CCDC7: variants seen among roughly 807,000 people sequenced by gnomAD.
The protein encoded by CCDC7 is coiled-coil domain-containing protein 7.
CCDC7 carries 183 observed loss-of-function variants against 196.9 expected under a neutral mutation model. The observed-to-expected ratio is 0.93, with a 90% CI of 0.82 to 1.05. The LOEUF (loss-of-function observed/expected upper bound fraction) is 1.05. Among genes scored for constraint, CCDC7 ranks in the 50% least tolerant of loss-of-function variants. CCDC7 has a pLI of 0.00. For missense variants in CCDC7, 1,540 were observed against 1,482.2 expected (o/e 1.04, Z -0.64); for synonymous variants, 525 against 484.6 (o/e 1.08, Z -1.10).
chr10:32,529,782 C>G (rs949731351), intron 11 of CCDC7, among the ~76,000 whole-genome samples: 3 of 152,062 alleles, frequency 2.0e-5, no homozygotes, highest in African/African-American at 7.3e-5. Flanking sequence ...TTAATTGAGT[C>G]CCATCTATTT....
At chr10:32,847,054 G>C (rs1465576063) in intron 37 of CCDC7, among the ~76,000 whole-genome samples, 4 of 152,144 alleles carry the variant, frequency 2.6e-5, no homozygotes, top group Non-Finnish European at 4.4e-5. Flanking sequence ...AGAGAAATAA[G>C]GTAAAGAGAC....
chr10:32,789,725 A>G (rs373016407), intron 29 of CCDC7, among the ~76,000 whole-genome samples: 1 of 152,166 alleles, frequency 6.6e-6, no homozygotes, highest in South Asian at 2.1e-4. Context: ...GATTAATGCT[A>G]TTATCACAGA....
At chr10:32,496,026 C>A (rs1486578655) in intron 9 of CCDC7, among the ~76,000 whole-genome samples, 2 of 152,142 alleles carry the variant, frequency 1.3e-5, no homozygotes, top group African/African-American at 2.4e-5. Context: ...TATCTATGAG[C>A]ATGGAATGTT....
chr10:32,719,350 C>G (rs1295484584), intron 25 of CCDC7, among the ~76,000 whole-genome samples: 1 of 152,150 alleles, frequency 6.6e-6, no homozygotes, highest in Non-Finnish European at 1.5e-5. Flanking sequence ...GGACCCCTTC[C>G]TTACATCTTA....
chr10:32,601,993 G>A (rs1564795287), intron 18 of CCDC7, among the ~76,000 whole-genome samples: 2 of 152,130 alleles, frequency 1.3e-5, no homozygotes, highest in Admixed American at 6.5e-5. Flanking sequence ...AGCCAGCAGC[G>A]GCAACCTGAT....
chr10:32,514,899 A>T (rs1191736268), intron 9 of CCDC7, among the ~76,000 whole-genome samples: 1 of 152,300 alleles, frequency 6.6e-6, no homozygotes, highest in South Asian at 2.1e-4. Flanking sequence ...ATCATAGCTC[A>T]CTTCAGCTGC....
intron 9 of CCDC7, chr10:32,513,072 C>T (rs958403002): frequency 2.6e-5 from 4 of 151,854 alleles, no homozygotes; most frequent in African/African-American, 4.8e-5. Flanking sequence ...TATCTACCCT[C>T]GGGAAAGGAG....
At chr10:32,526,281 T>C (rs981701840) in intron 11 of CCDC7, among the ~76,000 whole-genome samples, 1 of 152,102 alleles carries the variant, frequency 6.6e-6, no homozygotes, top group African/African-American at 2.4e-5. Flanking sequence ...TGGTGAATGC[T>C]TCCAGGCCTG....
chr10:32,578,270 G>C (rs111907040), intron 16 of CCDC7, among the ~76,000 whole-genome samples: 5 of 152,190 alleles, frequency 3.3e-5, no homozygotes, highest in African/African-American at 1.2e-4. Context: ...TTCCTTTAAA[G>C]CAGCAGTTTC....
exon 23 of CCDC7, chr10:32,689,145 A>G (rs1471350258): frequency 1.9e-6 from 3 of 1,577,294 alleles, no homozygotes; most frequent in Non-Finnish European, 2.6e-6. Context: ...AAGAACTCTC[A>G]AAGGGCAAAG....
chr10:32,500,212 C>A (rs1250401935), intron 9 of CCDC7, among the ~76,000 whole-genome samples: 1 of 146,434 alleles, frequency 6.8e-6, no homozygotes, highest in African/African-American at 2.6e-5. Flanking sequence ...CCGGATGGGG[C>A]GGCCGGCCTG....
chr10:32,718,191 AGG>A (rs1364598992), intron 25 of CCDC7, among the ~76,000 whole-genome samples: 1 of 152,212 alleles, frequency 6.6e-6, no homozygotes, highest in African/African-American at 2.4e-5. Context: ...CACCACGATC[AGG>A]TCAGCTTCAT....
At chr10:32,632,238 G>A (rs2064982222) in intron 18 of CCDC7, among the ~76,000 whole-genome samples, 1 of 151,464 alleles carries the variant, frequency 6.6e-6, no homozygotes, top group South Asian at 2.1e-4. Context: ...TAGTGGGAAA[G>A]CATTAACCAT....
At chr10:32,778,129 T>C (rs1306652971) in intron 28 of CCDC7, among the ~76,000 whole-genome samples, 1 of 152,248 alleles carries the variant, frequency 6.6e-6, no homozygotes, top group East Asian at 1.9e-4. Flanking sequence ...TCTTATTCTA[T>C]AGGTTGTCTG....
At chr10:32,741,222 C>T (rs1225034003) in intron 28 of CCDC7, among the ~76,000 whole-genome samples, 2 of 152,144 alleles carry the variant, frequency 1.3e-5, no homozygotes, top group South Asian at 4.1e-4. Context: ...AATGGCTTTA[C>T]TTACTGAAAC....
chr10:32,832,050 TACA>T (rs894512121), intron 32 of CCDC7, among the ~76,000 whole-genome samples: 17 of 152,288 alleles, frequency 1.1e-4, no homozygotes, highest in African/African-American at 4.1e-4. Flanking sequence ...TTACAATGGT[TACA>T]ACATCACTAC....
chr10:32,641,422 C>G (rs976073432), intron 20 of CCDC7, among the ~76,000 whole-genome samples: 2 of 152,060 alleles, frequency 1.3e-5, no homozygotes, highest in African/African-American at 4.8e-5. Flanking sequence ...TCACTGATAC[C>G]CTTTCTTCTA....
intron 28 of CCDC7, among the ~76,000 whole-genome samples, chr10:32,765,650 G>T (rs1225394425): frequency 6.6e-6 from 1 of 151,890 alleles, no homozygotes; most frequent in Non-Finnish European, 1.5e-5. Context: ...CTTCATCAAG[G>T]ACTTGAAAAA....
At chr10:32,638,297 C>T (rs929939427) in intron 20 of CCDC7, among the ~76,000 whole-genome samples, 13 of 152,182 alleles carry the variant, frequency 8.5e-5, no homozygotes, top group Non-Finnish European at 1.6e-4. Context: ...GAGGACATCC[C>T]TGTCTTGTGC....
Sources: allele counts gnomAD v4.1 joint callset (sites outside exome capture counted in the v4.1 genomes callset), GRCh38; gene constraint gnomAD v4.1.1; transcripts MANE v1.5; gene names NCBI Gene and HGNC (gene_info 2026-07-23, HGNC 2026-07-21).